Variants in TGM3 observed in about 807,000 individuals in gnomAD.
The protein encoded by TGM3 is protein-glutamine gamma-glutamyltransferase E.
Under a neutral mutation model 73.8 loss-of-function variants are expected in TGM3, and 52 were observed. That is an observed-to-expected ratio of 0.70 (90% CI 0.56 to 0.89). The LOEUF (loss-of-function observed/expected upper bound fraction) is 0.89. TGM3 is among the 40% of genes least tolerant of loss of function. TGM3 has a pLI of 0.00. For synonymous variants in TGM3, 372 were observed against 354.9 expected, an observed-to-expected ratio of 1.05 and a Z score of -0.54; for missense variants, 928 against 909.9, an observed-to-expected ratio of 1.02 and a Z score of -0.26.
chr20:2,326,335 C>A (rs919793103), intron 8 of TGM3, among the ~76,000 whole-genome samples: 3 of 152,212 alleles, frequency 2.0e-5, no homozygotes, highest in Non-Finnish European at 2.9e-5. Flanking sequence ...GGTCACCACC[C>A]ACAGCAGCTC....
chr20:2,298,651 C>T (rs767114407), intron 1 of TGM3, among the ~76,000 whole-genome samples: 4 of 152,178 alleles, frequency 2.6e-5, no homozygotes, highest in African/African-American at 4.8e-5. Flanking sequence ...ACCACCAAAC[C>T]GTTCTCCTTG....
At chr20:2,331,742 A>T (rs1407554565) in intron 9 of TGM3, among the ~76,000 whole-genome samples, 1 of 152,206 alleles carries the variant, frequency 6.6e-6, no homozygotes, top group Admixed American at 6.5e-5. Context: ...ATCAAGCCAC[A>T]TAGTAATTGT....
intron 8 of TGM3, 138 bp downstream of exon 8, chr20:2,326,090 A>G: frequency 1.2e-6 from 1 of 853,444 alleles, no homozygotes; most frequent in African/African-American, 1.7e-5. Flanking sequence ...GTTTAAAAAT[A>G]GATCTCCCCT....
At chr20:2,316,726 G>T (rs1460885107) in intron 5 of TGM3, among the ~76,000 whole-genome samples, 3 of 152,176 alleles carry the variant, frequency 2.0e-5, no homozygotes, top group African/African-American at 7.2e-5. Context: ...TTACCTGCCA[G>T]AAGTCCTCTG....
At chr20:2,299,835 C>T (rs1361720582) in intron 1 of TGM3, among the ~76,000 whole-genome samples, 3 of 152,192 alleles carry the variant, frequency 2.0e-5, no homozygotes, top group African/African-American at 4.8e-5. Flanking sequence ...CAATGGCTCA[C>T]GCCTGTAATC....
At chr20:2,316,945 A>G in intron 5 of TGM3, 123 bp from the exon 6 acceptor site, 2 of 1,114,048 alleles carry the variant, frequency 1.8e-6, no homozygotes, top group Non-Finnish European at 2.6e-6. Context: ...GACAAAGAAA[A>G]GTTCAATCAT....
intron 4 of TGM3, among the ~76,000 whole-genome samples, 168 bp from the exon 5 acceptor site, chr20:2,312,730 C>T (rs147178781): frequency 2.6e-5 from 4 of 152,058 alleles, no homozygotes; most frequent in Non-Finnish European, 2.9e-5. Context: ...GATGAGTTTG[C>T]GGGGTTGAGG....
intron 5 of TGM3, among the ~76,000 whole-genome samples, chr20:2,316,558 T>C (rs1275570724): frequency 6.6e-6 from 1 of 151,604 alleles, no homozygotes; most frequent in Admixed American, 6.6e-5. Flanking sequence ...AGAGACTCTG[T>C]ATCAGAAAAT....
chr20:2,319,477 C>T (rs891560020), intron 7 of TGM3, among the ~76,000 whole-genome samples: 1 of 152,152 alleles, frequency 6.6e-6, no homozygotes, highest in Non-Finnish European at 1.5e-5. Context: ...AGGAAGGCGT[C>T]CTGGAAACAG....
chr20:2,338,785 TC>T (rs1415718393), intron 11 of TGM3, among the ~76,000 whole-genome samples: 1 of 152,220 alleles, frequency 6.6e-6, no homozygotes, highest in Non-Finnish European at 1.5e-5. Flanking sequence ...CCATAAAATG[TC>T]CATTTCTATG....
intron 1 of TGM3, among the ~76,000 whole-genome samples, chr20:2,303,979 G>A (rs2084164955): frequency 6.6e-6 from 1 of 152,190 alleles, no homozygotes; most frequent in African/African-American, 2.4e-5. Context: ...TTTTCCCGCT[G>A]ATGTCTTTTA....
rs1431918260 is a variant in TGM3, at chr20:2,328,420, G to A, written c.1333+55G>A. On this transcript the variant is annotated intron_variant, in intron 9 of 12. Coordinates refer to ENST00000381458, the MANE Select transcript of TGM3 (RefSeq NM_003245.4). This position sits in a 1 kb window ranked among gnomAD's most constrained non-coding sequence, Gnocchi z 5.2. ...CGAGAGGTTCTATTGTGGGAGGATG[G>A]CTCTGAGGCTGGAGAGGAGAAAAGT... The A allele has an allele frequency of 6.2e-7, 1 of 1,601,966 alleles. No homozygotes were observed. Among genetic ancestry groups the A allele is most frequent in the African/African-American group, 1.3e-5 (1 of 74,774 alleles).
chr20:2,324,087 G>A (rs1429072903), intron 7 of TGM3, among the ~76,000 whole-genome samples: 1 of 151,692 alleles, frequency 6.6e-6, no homozygotes, highest in African/African-American at 2.4e-5. Flanking sequence ...CTTCAAATTG[G>A]ATAATTTCTA....
chr20:2,310,125 C>T, intron 2 of TGM3, 53 bp from the exon 3 acceptor site: 2 of 1,606,150 alleles, frequency 1.2e-6, no homozygotes, highest in South Asian at 2.2e-5. Flanking sequence ...CCTGGTCTCT[C>T]CACAGTCTGA....
chr20:2,323,708 G>C (rs1248636562), intron 7 of TGM3, among the ~76,000 whole-genome samples: 2 of 152,228 alleles, frequency 1.3e-5, no homozygotes, highest in Non-Finnish European at 2.9e-5. Context: ...ACCTGGAAAT[G>C]AGCACCACAA....
intron 3 of TGM3, among the ~76,000 whole-genome samples, 199 bp from the exon 4 acceptor site, chr20:2,310,812 G>A (rs1020507804): frequency 6.6e-6 from 1 of 152,052 alleles, no homozygotes; most frequent in Non-Finnish European, 1.5e-5. Flanking sequence ...TCAGACCCTC[G>A]GGTCATCCTA....
Position 2,332,814 on chromosome 20 carries a change from C to A in TGM3, c.1642+504C>A, listed in dbSNP as rs1221184785. Among the ~76,000 whole-genome samples, 1 of 152,208 alleles carries A rather than the reference C, an allele frequency of 6.6e-6. No homozygotes were observed. Among genetic ancestry groups the A allele is most frequent in the Non-Finnish European group, 1.5e-5 (1 of 68,038 alleles). On this transcript the variant is annotated intron_variant, in intron 10 of 12. Coordinates refer to ENST00000381458, the MANE Select transcript of TGM3 (RefSeq NM_003245.4). This position sits in a 1 kb window ranked among gnomAD's most constrained non-coding sequence, Gnocchi z 4.4. ...TGTTGTATTGTTCTTACCCACCTCACCCCCACTCCCACAACAAATCGCTTT... is the reference window on the plus strand; with the variant it reads ...TGTTGTATTGTTCTTACCCACCTCAACCCCACTCCCACAACAAATCGCTTT...
chr20:2,339,839 C>G lies in TGM3; in HGVS notation c.1801-15C>G. ...GCAGCTGGAGTCCTGACTCGGCAGC[C>G]CCTCTCCCCCATAGGTGCTGAACGA... On this transcript the variant is annotated splice_polypyrimidine_tract_variant and intron_variant, in intron 11 of 12. Coordinates refer to ENST00000381458, the MANE Select transcript of TGM3 (RefSeq NM_003245.4). The G allele has an allele frequency of 6.2e-7, 1 of 1,613,842 alleles. No homozygotes were observed.
At chr20:2,296,294 G>A (rs1220471563) in intron 1 of TGM3, among the ~76,000 whole-genome samples, 3 of 152,218 alleles carry the variant, frequency 2.0e-5, no homozygotes, top group Non-Finnish European at 2.9e-5. Context: ...ATGTAGCTCT[G>A]AATAATGGGC....
Sources: allele counts gnomAD v4.1 joint callset (sites outside exome capture counted in the v4.1 genomes callset), GRCh38; gene constraint gnomAD v4.1.1; non-coding constraint Gnocchi (gnomAD v3.1); transcripts MANE v1.5; gene names NCBI Gene and HGNC (gene_info 2026-07-23, HGNC 2026-07-21).